The following UNC5D variants were observed in gnomAD, a reference collection of about 807,000 sequenced individuals.
UNC5D encodes the protein netrin receptor UNC5D.
In UNC5D, 39 loss-of-function variants were observed where a neutral mutation model predicts 105.4. The observed-to-expected ratio is 0.37, with a 90% CI of 0.29 to 0.48. The LOEUF is 0.48. Ranked by LOEUF, UNC5D falls within the 20% of genes least tolerant of loss-of-function variation. UNC5D has a pLI of 0.98. For missense variants in UNC5D, 991 were observed against 1,202.4 expected (o/e 0.82, Z 2.60); for synonymous variants, 452 against 450.4 (o/e 1.00, Z -0.04).
chr8:35,310,158 T>C (rs1808761388), intron 1 of UNC5D, among the ~76,000 whole-genome samples: 1 of 152,186 alleles, frequency 6.6e-6, no homozygotes, highest in African/African-American at 2.4e-5. Context: ...ATTAATACCT[T>C]ATTTTCTAAT....
At chr8:35,353,178 T>C (rs1192330386) in intron 1 of UNC5D, among the ~76,000 whole-genome samples, 1 of 152,148 alleles carries the variant, frequency 6.6e-6, no homozygotes, top group Non-Finnish European at 1.5e-5. Context: ...AGGGCTAATA[T>C]CTTTAAAATA....
intron 1 of UNC5D, among the ~76,000 whole-genome samples, chr8:35,317,105 A>T (rs1219317057): frequency 6.6e-6 from 1 of 152,100 alleles, no homozygotes; most frequent in Non-Finnish European, 1.5e-5. Context: ...CAGTTAAATG[A>T]TTTTTCCAAG....
intron 4 of UNC5D, among the ~76,000 whole-genome samples, chr8:35,629,758 AACAAAT>A (rs1355202756): frequency 2.0e-5 from 3 of 152,240 alleles, no homozygotes; most frequent in Admixed American, 1.3e-4. Context: ...GTTTCACAAA[AACAAAT>A]ACAATTTCTA....
At chr8:35,586,149 C>T (rs1384762091) in intron 3 of UNC5D, among the ~76,000 whole-genome samples, 2 of 152,128 alleles carry the variant, frequency 1.3e-5, no homozygotes, top group Non-Finnish European at 2.9e-5. Flanking sequence ...TGGCACATGC[C>T]TGTAATCCCA....
intron 1 of UNC5D, among the ~76,000 whole-genome samples, chr8:35,349,684 A>G (rs1812064954): frequency 6.6e-6 from 1 of 152,028 alleles, no homozygotes; most frequent in Non-Finnish European, 1.5e-5. Flanking sequence ...CACTCCATGA[A>G]ATGAAAAGCC....
intron 2 of UNC5D, among the ~76,000 whole-genome samples, chr8:35,550,217 G>T (rs1055707745): frequency 1.1e-4 from 16 of 152,132 alleles, no homozygotes; most frequent in African/African-American, 3.9e-4. Context: ...CCCTGCAGTA[G>T]ATAATGCTAT....
intron 1 of UNC5D, among the ~76,000 whole-genome samples, chr8:35,533,589 C>T (rs1814580043): frequency 6.6e-6 from 1 of 152,254 alleles, no homozygotes; most frequent in African/African-American, 2.4e-5. Context: ...TTCGAGCTTC[C>T]TGGCTGCTTT....
chr8:35,629,122 C>A (rs142729547), intron 4 of UNC5D, among the ~76,000 whole-genome samples: 2 of 152,138 alleles, frequency 1.3e-5, no homozygotes, highest in South Asian at 2.1e-4. Flanking sequence ...CAGTAGCAAG[C>A]CTTTTTCTCC....
At position 35,391,511 on chromosome 8, in the gene UNC5D, C is replaced by A. The variant is rs1211514623; in HGVS notation, c.103+155624C>A. Among the ~76,000 whole-genome samples the A allele has an allele frequency of 2.6e-5, 4 of 152,062 alleles. No individual in the cohort carries two copies. The East Asian group carries it at 5.8e-4, about 22-fold the overall frequency. ...ACATAGTAGTAGTCTATTCTGGGTCCATGCCCCCAGTCTTCACAGCTGTGT... is the reference window on the plus strand; with the variant it reads ...ACATAGTAGTAGTCTATTCTGGGTCAATGCCCCCAGTCTTCACAGCTGTGT... On this transcript the variant is annotated intron_variant, in intron 1 of 16. Transcript: ENST00000404895.
At chr8:35,553,481 T>A (rs186738516) in intron 2 of UNC5D, among the ~76,000 whole-genome samples, 1 of 152,302 alleles carries the variant, frequency 6.6e-6, no homozygotes, top group East Asian at 1.9e-4. Context: ...TGAGAAAGGA[T>A]TTAAATTTTA....
chr8:35,525,744 T>G, intron 1 of UNC5D: 2 of 1,568,898 alleles, frequency 1.3e-6, no homozygotes, highest in East Asian at 2.4e-5. Context: ...GCTGAAGTAC[T>G]CGCCCGGAGG....
At chr8:35,378,753 G>A (rs757844563) in intron 1 of UNC5D, among the ~76,000 whole-genome samples, 6 of 152,176 alleles carry the variant, frequency 3.9e-5, no homozygotes, top group African/African-American at 7.2e-5. Context: ...AAAATTTTGA[G>A]CATTTCTGTT....
intron 1 of UNC5D, among the ~76,000 whole-genome samples, chr8:35,530,836 A>C (rs1275158979): frequency 6.9e-6 from 1 of 145,796 alleles, no homozygotes; most frequent in Non-Finnish European, 1.5e-5. Context: ...ATTTGCATAG[A>C]GGTGTTTGTA....
intron 11 of UNC5D, among the ~76,000 whole-genome samples, chr8:35,742,949 A>C (rs1206563475): frequency 6.6e-6 from 1 of 151,970 alleles, no homozygotes; most frequent in Non-Finnish European, 1.5e-5. Flanking sequence ...CAGTGGCCCC[A>C]CTGATTTTTT....
chr8:35,335,756 A>ATT (rs35774459), intron 1 of UNC5D, among the ~76,000 whole-genome samples: 25,170 of 90,240 alleles, frequency 0.28, 4,315 homozygotes, highest in South Asian at 0.32. Context: ...AGAGATTGCA[A>ATT]TTTTTTTTTT....
intron 1 of UNC5D, among the ~76,000 whole-genome samples, chr8:35,429,056 A>T (rs1000596560): frequency 1.3e-5 from 2 of 152,224 alleles, no homozygotes; most frequent in Non-Finnish European, 2.9e-5. Flanking sequence ...TATGGTAGCT[A>T]CATCCATAAA....
At position 35,790,475 on chromosome 8, in the gene UNC5D, T is replaced by C. The variant is rs1459272155; in HGVS notation, c.2774T>C (p.Ile925Thr). Residue 925 changes from isoleucine (I) to threonine (T), a missense_variant, in exon 17 of 17, where the codon ATT (isoleucine) becomes ACT (threonine). Physicochemically the swap from Ile to Thr is moderately conservative, Grantham distance 89. Coordinates refer to ENST00000404895, the MANE Select transcript of UNC5D (RefSeq NM_080872.4). ...LDSLACALEE[I>T]GRTHTKLSNI... is the part of the protein sequence containing the mutation. ...TCCCTGGCCTGTGCCCTTGAAGAGATTGGGAGGACACACACGAAACTCTCA... is the reference window on the plus strand; with the variant it reads ...TCCCTGGCCTGTGCCCTTGAAGAGACTGGGAGGACACACACGAAACTCTCA... The C allele has an allele frequency of 1.2e-6, 2 of 1,613,860 alleles. No individual in the cohort carries two copies. The highest frequency in any genetic ancestry group is 2.2e-5 in the East Asian group (1 of 44,850).
chr8:35,384,501 A>G (rs894492121), intron 1 of UNC5D, among the ~76,000 whole-genome samples: 3 of 152,166 alleles, frequency 2.0e-5, no homozygotes, highest in African/African-American at 7.2e-5. Flanking sequence ...CCAACCTTGT[A>G]AAAGAGCCTT....
intron 15 of UNC5D, among the ~76,000 whole-genome samples, chr8:35,772,888 G>A (rs911905913): frequency 2.9e-4 from 44 of 151,426 alleles, no homozygotes; most frequent in African/African-American, 1.0e-3. Flanking sequence ...CTGGCTGTTG[G>A]CCAGAGGTCA....
Sources: gnomAD v4.1 joint callset for allele counts (sites outside exome capture counted in the v4.1 genomes callset) on GRCh38, gnomAD v4.1.1 for gene constraint, MANE v1.5 for transcripts, NCBI Gene and HGNC (gene_info 2026-07-23, HGNC 2026-07-21) for gene names.